ARHGAP22: variants seen among roughly 807,000 people sequenced by gnomAD.
ARHGAP22 encodes Rho GTPase activating protein 22, also known as rho GTPase-activating protein 22.
Under a neutral mutation model 59.1 loss-of-function variants are expected in ARHGAP22, and 48 were observed. The observed-to-expected ratio is 0.81, with a 90% CI of 0.64 to 1.03. The LOEUF (loss-of-function observed/expected upper bound fraction) is 1.03, where lower values mean the gene tolerates loss of function less well. ARHGAP22 is among the 50% of genes least tolerant of loss of function. The pLI, the probability that ARHGAP22 is intolerant of heterozygous loss-of-function variation, is 0.00. For synonymous variants in ARHGAP22, 445 were observed against 416.4 expected (o/e 1.07, Z -0.84); for missense variants, 1,015 against 958.7 (o/e 1.06, Z -0.78).
intron 3 of ARHGAP22, among the ~76,000 whole-genome samples, chr10:48,550,347 T>C (rs2056803275): frequency 1.3e-5 from 2 of 152,228 alleles, no homozygotes; most frequent in Non-Finnish European, 2.9e-5. Context: ...GAAGGTGTCT[T>C]TCTTACTCCA....
In ARHGAP22 at chr10:48,538,033, C is replaced by A. The variant is rs368765475; in HGVS notation, c.322+17430G>T. On this transcript the variant is annotated intron_variant, in intron 3 of 9. Transcript: ENST00000249601. ...TGGTATGAGTTTTCCATAGGGATGC[C>A]ATAACTAACTCCCACAAACTGGGTG... 2.0e-5 allele frequency among the ~76,000 whole-genome samples: 3 copies of A among 152,314 alleles called. No individual in the cohort carries two copies. The East Asian group carries it at 5.8e-4, about 29-fold the overall frequency.
chr10:48,573,952 AT>A (rs748071228), intron 2 of ARHGAP22, among the ~76,000 whole-genome samples: 3 of 152,214 alleles, frequency 2.0e-5, no homozygotes, highest in Non-Finnish European at 4.4e-5. Context: ...GTGGAAATTG[AT>A]TGTGCCTGGC....
At chr10:48,545,122 CCTTT>C (rs1417775715) in intron 3 of ARHGAP22, among the ~76,000 whole-genome samples, 1 of 152,158 alleles carries the variant, frequency 6.6e-6, no homozygotes, top group Non-Finnish European at 1.5e-5. Flanking sequence ...AGCTTTCTTT[CCTTT>C]TAGTTTTAAA....
the ARHGAP22 span, among the ~76,000 whole-genome samples, chr10:48,434,441 G>A: frequency 3.5e-3 from 534 of 152,304 alleles, 5 homozygotes; most frequent in African/African-American, 0.012. Flanking sequence ...GTGAGAAGCT[G>A]TAAAGACTTT....
chr10:48,478,425 G>A (rs2048949392), intron 4 of ARHGAP22, among the ~76,000 whole-genome samples: 1 of 152,172 alleles, frequency 6.6e-6, no homozygotes, highest in South Asian at 2.1e-4. Context: ...GGAGAGGAGA[G>A]TGGGCAAACA....
At chr10:48,439,168 C>G in the ARHGAP22 span, 1 of 151,800 alleles carries the variant, frequency 6.6e-6, no homozygotes, top group East Asian at 1.9e-4. Flanking sequence ...GTGTTCCGTT[C>G]CCTCTCCTTT....
intron 3 of ARHGAP22, among the ~76,000 whole-genome samples, chr10:48,508,284 G>C (rs1589826769): frequency 6.6e-6 from 1 of 152,356 alleles, no homozygotes; most frequent in South Asian, 2.1e-4. Context: ...TGCTCAGGTA[G>C]CGGCCATGTG....
chr10:48,649,466 T>C (rs2062459048), intron 1 of ARHGAP22, among the ~76,000 whole-genome samples: 2 of 152,182 alleles, frequency 1.3e-5, no homozygotes, highest in South Asian at 4.1e-4. Context: ...GATTCAGAGA[T>C]GCCTTCTCCT....
chr10:48,627,665 G>A (rs2061497051), intron 1 of ARHGAP22, among the ~76,000 whole-genome samples: 1 of 152,216 alleles, frequency 6.6e-6, no homozygotes, highest in Non-Finnish European at 1.5e-5. Context: ...ACAGCATCTT[G>A]CTCTTCTGGT....
At chr10:48,594,308 A>ACACT (rs2135788319) in intron 1 of ARHGAP22, among the ~76,000 whole-genome samples, 1 of 152,338 alleles carries the variant, frequency 6.6e-6, no homozygotes, top group African/African-American at 2.4e-5. Flanking sequence ...GTGAGTGAGC[A>ACACT]CACTGGTCCC....
At chr10:48,504,647 C>T (rs1449847981) in intron 3 of ARHGAP22, among the ~76,000 whole-genome samples, 1 of 152,138 alleles carries the variant, frequency 6.6e-6, no homozygotes, top group African/African-American at 2.4e-5. Context: ...ACTGCAAAGG[C>T]CCCGAGGTGG....
chr10:48,577,801 G>GTTTTTTTTTGTTTT (rs2058828009), intron 2 of ARHGAP22, among the ~76,000 whole-genome samples: 1 of 59,142 alleles, frequency 1.7e-5, no homozygotes, highest in African/African-American at 6.6e-5. Flanking sequence ...CTCTTTTTTG[G>GTTTTTTTTTGTTTT]TTTTTTTTTT....
intron 1 of ARHGAP22, among the ~76,000 whole-genome samples, chr10:48,599,126 A>G (rs1361811244): frequency 1.3e-5 from 2 of 152,202 alleles, no homozygotes; most frequent in Non-Finnish European, 2.9e-5. Context: ...TCAAGCAGGA[A>G]GTTCCAACAG....
intron 2 of ARHGAP22, among the ~76,000 whole-genome samples, chr10:48,576,338 C>T (rs1337746131): frequency 1.3e-5 from 2 of 152,260 alleles, no homozygotes; most frequent in Non-Finnish European, 1.5e-5. Context: ...CCCCATTCTC[C>T]TCCTGGTCAT....
At chr10:48,475,697 G>A (rs2048653782) in intron 4 of ARHGAP22, among the ~76,000 whole-genome samples, 1 of 152,134 alleles carries the variant, frequency 6.6e-6, no homozygotes, top group Admixed American at 6.5e-5. Flanking sequence ...CCACCACTGG[G>A]CCAGGCCACC....
At chr10:48,490,400 C>T (rs1199949153) in intron 3 of ARHGAP22, among the ~76,000 whole-genome samples, 1 of 152,130 alleles carries the variant, frequency 6.6e-6, no homozygotes, top group Non-Finnish European at 1.5e-5. Flanking sequence ...CCACTCCCTC[C>T]CTCCCAGGCT....
At chr10:48,523,967 A>C in intron 3 of ARHGAP22, 3 of 1,283,134 alleles carry the variant, frequency 2.3e-6, no homozygotes, top group Middle Eastern at 2.8e-4. Context: ...GCGGCCCTGG[A>C]CACCCCGTGG....
In ARHGAP22 at chr10:48,450,494, G is replaced by T. The variant is rs778223212; in HGVS notation, c.1635C>A (p.Thr545=). ...GCGGGGAGGGCTCCAGGGCCCAGTC[G>T]GTGTGCAGGGAACTGCGGGCAGACG... ...SDSSARSSLH[T]DWALEPSPLP... Residue 545 remains threonine (T), a synonymous_variant, in exon 9 of 10, where the codon ACC becomes ACA. Transcript: ENST00000249601. 6.5e-7 allele frequency: 1 copy of T among 1,532,134 alleles called. No homozygotes were observed. The allele number at this position is 1,532,134 out of a possible 1,614,324, so 94.9% of individuals were successfully genotyped here. A position where few individuals can be genotyped will look rare whatever the true frequency, so the allele number is the denominator to read the frequency against.
chr10:48,572,587 T>C (rs940745316), intron 2 of ARHGAP22, among the ~76,000 whole-genome samples: 1 of 152,166 alleles, frequency 6.6e-6, no homozygotes, highest in Non-Finnish European at 1.5e-5. Flanking sequence ...AATATGGATG[T>C]TCAGTAGGCA....
Sources: gnomAD v4.1 joint callset for allele counts (sites outside exome capture counted in the v4.1 genomes callset) on GRCh38, gnomAD v4.1.1 for gene constraint, MANE v1.5 for transcripts, NCBI Gene and HGNC (gene_info 2026-07-23, HGNC 2026-07-21) for gene names.